Variants in MEIOB observed in about 807,000 individuals in gnomAD.
MEIOB encodes meiosis specific with OB-fold.
A neutral mutation model predicts 53.1 loss-of-function variants in MEIOB; 50 were observed. The ratio of observed to expected loss-of-function variants is 0.94; its 90% CI spans 0.75 to 1.19. The LOEUF (loss-of-function observed/expected upper bound fraction) is 1.19. MEIOB is among the 50% of genes most tolerant of loss of function. The probability of loss-of-function intolerance (pLI) is 0.00; values close to 1 mark genes in which losing one functional copy is unlikely to be tolerated. For missense variants in MEIOB, 551 were observed against 550.8 expected (o/e 1.00, Z 0.00); for synonymous variants, 192 against 182.5 (o/e 1.05, Z -0.42).
intron 11 of MEIOB, among the ~76,000 whole-genome samples, chr16:1,840,674 G>A (rs568888219): frequency 5.9e-5 from 9 of 151,572 alleles, no homozygotes; most frequent in East Asian, 5.9e-4. Flanking sequence ...TCATCCTCTC[G>A]AGTAGCTGGG....
At chr16:1,850,345 G>C (rs941534452) in intron 9 of MEIOB, among the ~76,000 whole-genome samples, 1 of 152,104 alleles carries the variant, frequency 6.6e-6, no homozygotes, top group Non-Finnish European at 1.5e-5. Context: ...TTGGGAGGCC[G>C]AGGCGGGCGG....
chr16:1,861,649 C>T (rs936940444), intron 4 of MEIOB, among the ~76,000 whole-genome samples: 8 of 151,200 alleles, frequency 5.3e-5, no homozygotes, highest in African/African-American at 9.7e-5. Flanking sequence ...CTCAAGCCAC[C>T]CTCCTGCTTC....
intron 9 of MEIOB, among the ~76,000 whole-genome samples, chr16:1,849,272 G>C (rs867133959): frequency 6.6e-6 from 1 of 151,944 alleles, no homozygotes; most frequent in Non-Finnish European, 1.5e-5. Context: ...TACAAAAAAG[G>C]CTGGGCGCGG....
At chr16:1,856,078 T>C (rs1363002687) in intron 6 of MEIOB, among the ~76,000 whole-genome samples, 1 of 151,890 alleles carries the variant, frequency 6.6e-6, no homozygotes, top group East Asian at 1.9e-4. Flanking sequence ...CATTGCAACC[T>C]CTGTCTCCTG....
intron 13 of MEIOB, among the ~76,000 whole-genome samples, chr16:1,835,807 C>T (rs1898729128): frequency 6.6e-6 from 1 of 152,152 alleles, no homozygotes; most frequent in South Asian, 2.1e-4. Context: ...TACAAGCAAA[C>T]CCATTCAGCA....
chr16:1,845,091 C>T (rs927779943), intron 9 of MEIOB, 128 bp from the exon 10 acceptor site: 16 of 553,300 alleles, frequency 2.9e-5, no homozygotes, highest in Non-Finnish European at 3.6e-5. Flanking sequence ...TAGAATATTA[C>T]GTGGCCATTA....
intron 1 of MEIOB, among the ~76,000 whole-genome samples, chr16:1,871,393 G>C: frequency 9.5e-6 from 1 of 105,504 alleles, no homozygotes; most frequent in African/African-American, 3.6e-5. Context: ...CTAATTTTTT[G>C]TATTTTTAGT....
chr16:1,862,064 T>G lies in MEIOB; in HGVS notation c.180A>C (p.Ala60=). 1 of 1,551,424 alleles carries G rather than the reference T, an allele frequency of 6.4e-7. No individual in the cohort carries two copies. Among genetic ancestry groups the G allele is most frequent in the Non-Finnish European group, 8.7e-7 (1 of 1,146,740 alleles). ...CCCAGGAAGCTGCATTTACAAAATG[T>G]GCTGGTGAATCCCGAATGGTGAAGC... ...TFSFTIRDSP[A]HFVNAASWGN... The change falls in exon 4 of 14, where the codon GCA becomes GCC. Residue 60 remains alanine (A), a synonymous_variant. Coordinates refer to ENST00000325962, the MANE Select transcript of MEIOB (RefSeq NM_001163560.3).
chr16:1,861,133 G>A (rs1742438), intron 4 of MEIOB, among the ~76,000 whole-genome samples: 23,716 of 152,102 alleles, frequency 0.16, 1,956 homozygotes, highest in East Asian at 0.26. Context: ...TCAAAGCCAT[G>A]ATGTAAGTCA....
intron 4 of MEIOB, 54 bp from the exon 5 acceptor site, chr16:1,860,529 C>A (rs1212906074): frequency 4.0e-6 from 4 of 992,188 alleles, no homozygotes; most frequent in South Asian, 1.4e-5. Flanking sequence ...AAGATAAACA[C>A]TAACATCCTA....
Position 1,862,005 on chromosome 16 carries a change from C to T in MEIOB, c.239G>A (p.Ser80Asn), listed in dbSNP as rs1378429517. 1.0e-5 allele frequency: 16 copies of T among 1,551,082 alleles called. No homozygotes were observed. The East Asian group carries it at 2.2e-4, about 21-fold the overall frequency. Residue 80 changes from serine (S) to asparagine (N), a missense_variant, in exon 4 of 14, where the codon AGC (serine) becomes AAC (asparagine). By Grantham distance (46) the Ser-to-Asn change is conservative. Transcript: ENST00000325962. ...NEDYIKSLSD[S>N]FRVGDCVIIE... ...CTTACCACAGTCACCAACCCTAAAG[C>T]TGTCAGAAAGAGACTTGATGTAATC...
intron 1 of MEIOB, among the ~76,000 whole-genome samples, chr16:1,869,966 G>A (rs1209328424): frequency 6.7e-6 from 1 of 148,522 alleles, no homozygotes; most frequent in African/African-American, 2.5e-5. Flanking sequence ...CTACCTCCCA[G>A]GTTCAAGCGA....
rs957431161 is a variant in MEIOB, at chr16:1,860,448, C to A, written c.287G>T (p.Arg96Ile). ...CVIIENPLIQ[R>I]KEIEREEKFS... Reference sequence around the variant, plus strand: ...TTTTTCTTCTCTTTCTATTTCCTTTCTTTGGATCAGAGGATTTTCAATTAT... The same window carrying A: ...TTTTTCTTCTCTTTCTATTTCCTTTATTTGGATCAGAGGATTTTCAATTAT... The change falls in exon 5 of 14, where the codon AGA becomes ATA. Residue 96 changes from arginine to isoleucine, a missense_variant. Physicochemically the swap from Arg to Ile is moderately conservative, Grantham distance 97 (BLOSUM62 -3). Transcript: ENST00000325962. 3 of 1,546,752 alleles carry A rather than the reference C, an allele frequency of 1.9e-6. No homozygotes were observed. In the African/African-American group the frequency reaches 4.1e-5, roughly 21 times the overall value.
At chr16:1,837,977 T>A (rs1442069663) in intron 12 of MEIOB, 107 bp from the exon 13 acceptor site, 1 of 1,443,926 alleles carries the variant, frequency 6.9e-7, no homozygotes, top group Non-Finnish European at 9.2e-7. Flanking sequence ...AAATTTTATT[T>A]GCAGTAATTA....
chr16:1,857,706 C>T (rs1309149101), intron 6 of MEIOB, 29 bp downstream of exon 6: 5 of 1,538,946 alleles, frequency 3.2e-6, no homozygotes, highest in Admixed American at 2.0e-5. Context: ...TGCCAGATTG[C>T]ACTTGGCTTT....
intron 1 of MEIOB, among the ~76,000 whole-genome samples, chr16:1,870,543 T>G (rs956156992): frequency 6.6e-6 from 1 of 152,190 alleles, no homozygotes; most frequent in African/African-American, 2.4e-5. Flanking sequence ...TTAACATTAC[T>G]AAACATTAAT....
chr16:1,868,600 T>C (rs929279107), intron 1 of MEIOB, among the ~76,000 whole-genome samples: 2 of 151,756 alleles, frequency 1.3e-5, no homozygotes, highest in Non-Finnish European at 2.9e-5. Context: ...TCATGCCTAT[T>C]ATCCCAGCAC....
At position 1,834,336 on chromosome 16, in the gene MEIOB, AT is replaced by A; in HGVS notation, c.1335del (p.Leu446Ter). On this transcript the variant is annotated frameshift_variant, in exon 14 of 14. Transcript: ENST00000325962. LOFTEE classifies it high-confidence loss of function. ...TTGCACGAGAGTACACTAATTTTCA[AT>A]CCACTCCTTGCTCTGTGTGATAGAA... ...KFVLSHRARS[G>X]LKISVLSCKL... The A allele has an allele frequency of 1.2e-6, 2 of 1,611,862 alleles. No individual in the cohort carries two copies. Among genetic ancestry groups the A allele is most frequent in the South Asian group, 2.2e-5 (2 of 90,936 alleles).
In MEIOB at chr16:1,871,385, A is replaced by C. The variant is rs1365594508; in HGVS notation, c.-10+608T>G. ...CAGGCACTCGCCGCCACGCCTGGCT[A>C]ATTTTTTGTATTTTTAGTAGAGACG... On this transcript the variant is annotated intron_variant, in intron 1 of 13. Transcript: ENST00000325962. Among the ~76,000 whole-genome samples, 66 of 97,694 alleles carry C rather than the reference A, an allele frequency of 6.8e-4. 15 individuals are homozygous for C. The Admixed American group carries it at 7.1e-3, about 11-fold the overall frequency. The allele number at this position is 97,694 out of a possible 152,430, so 64.1% of individuals were successfully genotyped here.
Sources: allele counts gnomAD v4.1 joint callset (sites outside exome capture counted in the v4.1 genomes callset), GRCh38; gene constraint gnomAD v4.1.1; transcripts MANE v1.5; gene names NCBI Gene and HGNC (gene_info 2026-07-23, HGNC 2026-07-21).